The following SLC36A4 variants were observed in gnomAD, a reference collection of about 807,000 sequenced individuals.
The protein encoded by SLC36A4 is neutral amino acid uniporter 4.
A neutral mutation model predicts 50.5 loss-of-function variants in SLC36A4; 49 were observed. The ratio of observed to expected loss-of-function variants is 0.97; its 90% CI spans 0.77 to 1.23. The LOEUF is 1.23. Ranked by LOEUF, SLC36A4 falls within the 50% of genes most tolerant of loss-of-function variation. SLC36A4 has a pLI of 0.00. For missense variants in SLC36A4, 611 were observed against 608.4 expected (o/e 1.00, Z -0.05); for synonymous variants, 207 against 206.5 (o/e 1.00, Z -0.02).
At chr11:93,195,905 A>C (rs904141312) in intron 1 of SLC36A4, among the ~76,000 whole-genome samples, 4 of 152,048 alleles carry the variant, frequency 2.6e-5, no homozygotes, top group Non-Finnish European at 4.4e-5. Flanking sequence ...CTCATTCCTG[A>C]TTTCCCTTAC....
At chr11:93,151,330 A>G (rs1318931546) in intron 10 of SLC36A4, among the ~76,000 whole-genome samples, 1 of 152,060 alleles carries the variant, frequency 6.6e-6, no homozygotes, top group African/African-American at 2.4e-5. Context: ...TACCAAAACT[A>G]TATATAGCAA....
At chr11:93,185,525 G>T in intron 2 of SLC36A4, 166 bp downstream of exon 2, 1 of 561,030 alleles carries the variant, frequency 1.8e-6, no homozygotes, top group Non-Finnish European at 2.9e-6. Context: ...ACTGCTCTGT[G>T]ATTTAAACGC....
At chr11:93,196,297 G>C (rs892637248) in intron 1 of SLC36A4, among the ~76,000 whole-genome samples, 2 of 152,090 alleles carry the variant, frequency 1.3e-5, no homozygotes, top group African/African-American at 4.8e-5. Flanking sequence ...AAAACCTCTT[G>C]ATATAAGTAT....
At chr11:93,162,897 T>A (rs531477105) in intron 8 of SLC36A4, 22 bp from the exon 9 acceptor site, 183 of 1,601,788 alleles carry the variant, frequency 1.1e-4, no homozygotes, top group Non-Finnish European at 1.5e-4. Flanking sequence ...ATACAATACT[T>A]TTTTTTAAGG....
chr11:93,173,923 G>T lies in SLC36A4; in HGVS notation c.541-5752C>A, dbSNP rs12276577. Among the ~76,000 whole-genome samples the T allele has an allele frequency of 7.6e-3, 1,067 of 140,678 alleles. 11 individuals are homozygous for T. Among genetic ancestry groups the T allele is most frequent in the African/African-American group, 0.026 (1,002 of 37,924 alleles). The allele number at this position is 140,678 out of a possible 152,430, so 92.3% of individuals were successfully genotyped here. A position where few individuals can be genotyped will look rare whatever the true frequency, so the allele number is the denominator to read the frequency against. ...TCTTTTGGCTTAGGATTGACTTGGC[G>T]ATGCGGGCTCTTTTTTGGTTCCATA... On this transcript the variant is annotated intron_variant, in intron 6 of 10. Coordinates refer to ENST00000326402, the MANE Select transcript of SLC36A4 (RefSeq NM_152313.4).
rs1325400245 is a variant in SLC36A4, at chr11:93,185,786, A to G, written c.84T>C (p.Asn28=). 6.2e-7 allele frequency: 1 copy of G among 1,608,066 alleles called. No homozygotes were observed. The highest frequency in any genetic ancestry group is 1.7e-5 in the Admixed American group (1 of 58,450). ...CTGATGTCCCATCAAAATTCTGCTC[A>G]TTTATCAAGGGCCTCATTACATCCA... ...LDMDVMRPLI[N]EQNFDGTSDE... Residue 28 remains asparagine (N), a synonymous_variant, in exon 2 of 11, where the codon AAT becomes AAC. Coordinates refer to ENST00000326402, the MANE Select transcript of SLC36A4 (RefSeq NM_152313.4).
At chr11:93,186,483 A>G (rs574307632) in intron 1 of SLC36A4, among the ~76,000 whole-genome samples, 4 of 152,196 alleles carry the variant, frequency 2.6e-5, no homozygotes, top group African/African-American at 9.6e-5. Flanking sequence ...CTTTGCCATT[A>G]TATTTTTTAT....
At chr11:93,197,412 A>C (rs984314490) in intron 1 of SLC36A4, 3 of 335,368 alleles carry the variant, frequency 8.9e-6, no homozygotes, top group African/African-American at 6.6e-5. Flanking sequence ...AGCATTTGAA[A>C]AGCAGAACAA....
chr11:93,156,430 T>C (rs1194965151), intron 9 of SLC36A4, among the ~76,000 whole-genome samples: 1 of 151,754 alleles, frequency 6.6e-6, no homozygotes, highest in African/African-American at 2.4e-5. Context: ...TTTTTTTTCT[T>C]TTTTTTTGGG....
intron 9 of SLC36A4, among the ~76,000 whole-genome samples, chr11:93,158,220 C>T (rs547953127): frequency 6.6e-6 from 1 of 152,196 alleles, no homozygotes; most frequent in Admixed American, 6.5e-5. Flanking sequence ...ACACGTGTTT[C>T]CTATACTCTG....
At chr11:93,161,003 C>T (rs1418098813) in intron 9 of SLC36A4, 2 of 154,112 alleles carry the variant, frequency 1.3e-5, no homozygotes, top group African/African-American at 4.8e-5. Context: ...CCATGCCTGG[C>T]TAATTTTTAA....
chr11:93,152,854 A>G (rs1341841365), intron 10 of SLC36A4: 1 of 152,140 alleles, frequency 6.6e-6, no homozygotes, highest in African/African-American at 2.4e-5. Context: ...CTTTTTATTT[A>G]GTCATTACCA....
chr11:93,179,991 G>C, intron 6 of SLC36A4: 1 of 614,480 alleles, frequency 1.6e-6, no homozygotes. Context: ...AAATGCACAA[G>C]AACCTACACA....
rs140309907 is a variant in SLC36A4, at chr11:93,156,203, A to G, written c.1038-1926T>C. On this transcript the variant is annotated intron_variant, in intron 9 of 10. Transcript: ENST00000326402. ...ACTTATACTCCCATCAACAGTTTAT[A>G]ATAAGTGTTGTTCCTTTTTCTCCAT... Among the ~76,000 whole-genome samples, 419 of 152,258 alleles carry G rather than the reference A, an allele frequency of 2.8e-3. 2 individuals carry two copies. Among genetic ancestry groups the G allele is most frequent in the African/African-American group, 9.2e-3 (382 of 41,562 alleles).
rs1343097188 is a variant in SLC36A4 at position 93,175,732 on chromosome 11, T to C, written c.540+5065A>G. Among the ~76,000 whole-genome samples the C allele has an allele frequency of 3.1e-3, 184 of 59,878 alleles. 3 individuals are homozygous for C. The highest frequency in any genetic ancestry group is 9.7e-3 in the African/African-American group (181 of 18,690). The allele number at this position is 59,878 out of a possible 152,430, so 39.3% of individuals were successfully genotyped here. A position where few individuals can be genotyped will look rare whatever the true frequency, so the allele number is the denominator to read the frequency against. On this transcript the variant is annotated intron_variant, in intron 6 of 10. Transcript: ENST00000326402. ...CCAGTAGTCATTCAGGAGCAGGTTGTTCAGTTTCCATGTAGTTGAGCGGCT... is the reference window on the plus strand; with the variant it reads ...CCAGTAGTCATTCAGGAGCAGGTTGCTCAGTTTCCATGTAGTTGAGCGGCT...
At chr11:93,196,584 T>A (rs1463840838) in intron 1 of SLC36A4, among the ~76,000 whole-genome samples, 1 of 152,122 alleles carries the variant, frequency 6.6e-6, no homozygotes, top group Non-Finnish European at 1.5e-5. Context: ...GCCAGGATGG[T>A]CTCCATCTCC....
At position 93,184,462 on chromosome 11, in the gene SLC36A4, G is replaced by T. The variant is rs780712887; in HGVS notation, c.238C>A (p.Leu80Ile). 21 of 1,611,150 alleles carry T rather than the reference G, an allele frequency of 1.3e-5. 1 individual carries two copies. The South Asian group carries it at 2.0e-4, about 15-fold the overall frequency. The stretch of plus-strand genomic sequence containing the variant: ...CCTGCATTTTTTATTGCCAATGGAA[G>T]TCCTAAAAGGCCAGTTCCAATATTT... ...KGNIGTGLLG[L>I]PLAIKNAGIV... The change falls in exon 3 of 11, where the codon CTT becomes ATT. Residue 80 changes from leucine to isoleucine, a missense_variant. Coordinates refer to ENST00000326402, the MANE Select transcript of SLC36A4 (RefSeq NM_152313.4).
Position 93,162,878 on chromosome 11 carries a change from A to C in SLC36A4, c.868-3T>G. 1 of 1,610,978 alleles carries C rather than the reference A, an allele frequency of 6.2e-7. No individual in the cohort carries two copies. The highest frequency in any genetic ancestry group is 8.5e-7 in the Non-Finnish European group (1 of 1,178,840). On this transcript the variant is annotated splice_polypyrimidine_tract_variant and splice_region_variant and intron_variant, in intron 8 of 10. Coordinates refer to ENST00000326402, the MANE Select transcript of SLC36A4 (RefSeq NM_152313.4). Reference sequence around the variant, plus strand: ...ATTTGGTTTTCCAGTGGAAGGACCTAAGAAAAGAATACAATACTTTTTTTT... The same window carrying C: ...ATTTGGTTTTCCAGTGGAAGGACCTCAGAAAAGAATACAATACTTTTTTTT...
intron 9 of SLC36A4, among the ~76,000 whole-genome samples, chr11:93,157,845 A>G (rs1383219079): frequency 2.0e-5 from 3 of 152,304 alleles, no homozygotes; most frequent in East Asian, 1.9e-4. Context: ...AGTTCTTCCT[A>G]TTTGGATGCC....
Sources: allele counts gnomAD v4.1 joint callset (sites outside exome capture counted in the v4.1 genomes callset), GRCh38; gene constraint gnomAD v4.1.1; transcripts MANE v1.5; gene names NCBI Gene and HGNC (gene_info 2026-07-23, HGNC 2026-07-21).